The following ZNF577 variants were observed in gnomAD, a reference collection of about 807,000 sequenced individuals.
ZNF577 encodes the protein zinc finger protein 577.
Under a neutral mutation model 13.9 loss-of-function variants are expected in ZNF577, and 14 were observed. That is an observed-to-expected ratio of 1.00 (90% CI 0.66 to 1.57). The LOEUF (loss-of-function observed/expected upper bound fraction) is 1.57. Among genes scored for constraint, ZNF577 ranks in the 40% most tolerant of loss-of-function variants. The probability of loss-of-function intolerance (pLI) is 0.00; values close to 1 mark genes in which losing one functional copy is unlikely to be tolerated. For synonymous variants in ZNF577, 203 were observed against 202.9 expected, an observed-to-expected ratio of 1.00 and a Z score of 0.00; for missense variants, 555 against 579.2, an observed-to-expected ratio of 0.96 and a Z score of 0.43.
chr19:51,844,406 A>T (rs946778168), intron 6 of ZNF577, among the ~76,000 whole-genome samples: 2 of 152,182 alleles, frequency 1.3e-5, no homozygotes, highest in African/African-American at 4.8e-5. Context: ...ATGCCCAGGA[A>T]ATATTTACTG....
In ZNF577 at chr19:51,880,662, G is replaced by A. The variant is rs992552811; in HGVS notation, c.-20+17C>T. On this transcript the variant is annotated intron_variant, in intron 2 of 5. Transcript: ENST00000638348. ...CCATTGGGAAACAAACGACAAAATA[G>A]GTAAAACAAACCTCACCTGGGCCTT... The A allele has an allele frequency of 2.4e-5, 11 of 456,922 alleles. No individual in the cohort carries two copies. The highest frequency in any genetic ancestry group is 2.2e-4 in the African/African-American group (11 of 50,302). 28.3% of individuals were successfully genotyped at this position (456,922 alleles called of 1,614,324 possible).
chr19:51,817,406 A>C (rs1329284605), intron 9 of ZNF577, among the ~76,000 whole-genome samples: 1 of 152,220 alleles, frequency 6.6e-6, no homozygotes, highest in Non-Finnish European at 1.5e-5. Context: ...AGAGAGAGAG[A>C]GAAAATAGCC....
chr19:51,814,366 C>T (rs556642278), intron 9 of ZNF577, among the ~76,000 whole-genome samples: 28 of 152,334 alleles, frequency 1.8e-4, no homozygotes, highest in African/African-American at 1.2e-4. Context: ...CTTAGAGCTG[C>T]GTTGCAGGTC....
At chr19:51,821,706 G>A (rs2084191080) in intron 9 of ZNF577, among the ~76,000 whole-genome samples, 1 of 151,966 alleles carries the variant, frequency 6.6e-6, no homozygotes, top group African/African-American at 2.4e-5. Context: ...AGTTGCAACG[G>A]TAGTGGCTCT....
At chr19:51,879,037 C>T (rs1376602505) in intron 3 of ZNF577, among the ~76,000 whole-genome samples, 1 of 151,924 alleles carries the variant, frequency 6.6e-6, no homozygotes, top group East Asian at 1.9e-4. Context: ...GTGGGCAGAT[C>T]ACAAAGTCGG....
At chr19:51,855,188 CCT>C (rs972928926) in intron 5 of ZNF577, among the ~76,000 whole-genome samples, 1 of 151,944 alleles carries the variant, frequency 6.6e-6, no homozygotes, top group Admixed American at 6.6e-5. Context: ...AATCAGATTC[CCT>C]CTCTCCCCAG....
intron 5 of ZNF577, among the ~76,000 whole-genome samples, chr19:51,857,386 G>GA (rs1470363659): frequency 1.8e-5 from 2 of 112,502 alleles, no homozygotes; most frequent in Non-Finnish European, 3.4e-5. Context: ...AAGAAAGAAA[G>GA]AAAGAAAGAA....
Position 51,878,392 on chromosome 19 carries a change from T to C in ZNF577, c.184A>G (p.Ile62Val), listed in dbSNP as rs112093323. 775 of 1,613,964 alleles carry C rather than the reference T, an allele frequency of 4.8e-4. 4 individuals are homozygous for C. In the African/African-American group the frequency reaches 8.8e-3, roughly 18 times the overall value. ...MLENYINLVS[I>V]GYRGTKPDSL... The stretch of plus-strand genomic sequence containing the variant: ...GTGACGGCAATGCTGTCCTTACCTA[T>C]TGATACTAGGTTGATGTAGTTCTCC... The change falls in exon 4 of 6, where the codon ATA becomes GTA. Residue 62 changes from isoleucine (I) to valine (V), a missense_variant. By Grantham distance (29) the Ile-to-Val change is conservative. Transcript: ENST00000638348.
chr19:51,878,578 C>A, intron 3 of ZNF577, 63 bp from the exon 4 acceptor site: 3 of 1,591,958 alleles, frequency 1.9e-6, no homozygotes, highest in Non-Finnish European at 2.6e-6. Flanking sequence ...AGAAGAGGGA[C>A]GGGGACATGT....
chr19:51,816,743 G>C (rs1350088393), intron 9 of ZNF577, among the ~76,000 whole-genome samples: 1 of 152,166 alleles, frequency 6.6e-6, no homozygotes, highest in East Asian at 1.9e-4. Context: ...GTGGGAGTGA[G>C]ACCTTTAACT....
At chr19:51,837,428 T>C (rs1356384959) in intron 9 of ZNF577, among the ~76,000 whole-genome samples, 3 of 152,168 alleles carry the variant, frequency 2.0e-5, no homozygotes, top group Admixed American at 1.3e-4. Flanking sequence ...GTGTGAGTTT[T>C]GAGGGGACTT....
At chr19:51,823,346 T>C (rs2084204642) in intron 9 of ZNF577, among the ~76,000 whole-genome samples, 1 of 152,148 alleles carries the variant, frequency 6.6e-6, no homozygotes. Flanking sequence ...GTTGCAGAGC[T>C]TGCCAGCATG....
intron 8 of ZNF577, among the ~76,000 whole-genome samples, chr19:51,841,314 C>T (rs2084319463): frequency 6.6e-6 from 1 of 152,136 alleles, no homozygotes; most frequent in Non-Finnish European, 1.5e-5. Flanking sequence ...GGACATAAAG[C>T]CTGCATTTGC....
Position 51,868,790 on chromosome 19 carries a change from AC to A in ZNF577, c.*3741del, listed in dbSNP as rs1453795851. On this transcript the variant is annotated 3_prime_UTR_variant, in exon 6 of 6. Transcript: ENST00000638348. ...CATAAGAAACTCTATTTTGATCTGT[AC>A]TAAGAGAAATTATTCTGCCTTGAGA... Among the ~76,000 whole-genome samples, 1 of 152,242 alleles carries A rather than the reference AC, an allele frequency of 6.6e-6. No individual in the cohort carries two copies. Among genetic ancestry groups the A allele is most frequent in the Non-Finnish European group, 1.5e-5 (1 of 68,046 alleles).
intron 5 of ZNF577, among the ~76,000 whole-genome samples, chr19:51,856,993 G>A (rs2084429170): frequency 6.6e-6 from 1 of 152,150 alleles, no homozygotes; most frequent in African/African-American, 2.4e-5. Flanking sequence ...CTCCAACCAT[G>A]AGTCCATGAA....
Position 51,887,667 on chromosome 19 carries a change from C to T in ZNF577, c.-1065G>A, listed in dbSNP as rs2084971178. On this transcript the variant is annotated 5_prime_UTR_variant, in exon 1 of 6. It removes an upstream start codon present in the reference 5' UTR. Transcript: ENST00000638348. The stretch of plus-strand genomic sequence containing the variant: ...CAAGCACTGGTTCCAATGCGGAGAC[C>T]ATGGGCTCCCAGACTCTGGGAACTC... 1.3e-5 allele frequency: 2 copies of T among 152,198 alleles called. No individual in the cohort carries two copies. Among genetic ancestry groups the T allele is most frequent in the African/African-American group, 4.8e-5 (2 of 41,442 alleles). 9.4% of individuals were successfully genotyped at this position (152,198 alleles called of 1,614,324 possible). A position where few individuals can be genotyped will look rare whatever the true frequency, so the allele number is the denominator to read the frequency against.
At position 51,854,516 on chromosome 19, in the gene ZNF577, T is replaced by TTTTTTA. The variant is rs1273500747; in HGVS notation, c.284-9586_284-9585insTAAAAA. 9.8e-3 allele frequency among the ~76,000 whole-genome samples: 1,463 copies of TTTTTTA among 149,498 alleles called. 33 individuals are homozygous for TTTTTTA. Among genetic ancestry groups the TTTTTTA allele is most frequent in the African/African-American group, 0.035 (1,396 of 39,994 alleles). ...GCTAAATTTTTTTTTTTTTTTTTTTTAGAGATGGGGTCTCGCTATGTTGCC... is the reference window on the plus strand; with the variant it reads ...GCTAAATTTTTTTTTTTTTTTTTTTTTTTTTAAGAGATGGGGTCTCGCTATGTTGCC... On this transcript the variant is annotated intron_variant and NMD_transcript_variant, in intron 5 of 10. Coordinates refer to the ZNF577 transcript ENST00000638827.
downstream of ZNF577, among the ~76,000 whole-genome samples, chr19:51,866,651 G>A (rs1426726616): frequency 6.6e-6 from 1 of 152,120 alleles, no homozygotes; most frequent in Non-Finnish European, 1.5e-5. Flanking sequence ...ATCTGTTTTG[G>A]CATCAACAGA....
chr19:51,861,076 C>CT (rs1459376038), intron 5 of ZNF577: 2 of 356,952 alleles, frequency 5.6e-6, no homozygotes, highest in South Asian at 2.1e-5. Flanking sequence ...TTCTAATAAA[C>CT]TTTTTTGACA....
Sources: allele counts gnomAD v4.1 joint callset (sites outside exome capture counted in the v4.1 genomes callset), GRCh38; gene constraint gnomAD v4.1.1; transcripts MANE v1.5; gene names NCBI Gene and HGNC (gene_info 2026-07-23, HGNC 2026-07-21).